SNX29: variants seen among roughly 807,000 people sequenced by gnomAD.
SNX29 encodes the protein sorting nexin 29, also known as sorting nexin-29.
In SNX29, 78 loss-of-function variants were observed where a neutral mutation model predicts 102.1. That is an observed-to-expected ratio of 0.76 (90% CI 0.64 to 0.92). SNX29 has a LOEUF of 0.92. Ranked by LOEUF, SNX29 falls within the 40% of genes least tolerant of loss-of-function variation. SNX29 has a pLI of 0.00. For missense variants in SNX29, 1,280 were observed against 1,061.7 expected (o/e 1.21, Z -2.86); for synonymous variants, 580 against 414.5 (o/e 1.40, Z -4.85).
intron 17 of SNX29, among the ~76,000 whole-genome samples, chr16:12,401,740 GCTT>G (rs1470382096): frequency 6.6e-6 from 1 of 152,156 alleles, no homozygotes; most frequent in Non-Finnish European, 1.5e-5. Flanking sequence ...AGGGCTGTCT[GCTT>G]CTTTTATTGC....
chr16:12,055,994 G>A (rs541565293), intron 8 of SNX29, among the ~76,000 whole-genome samples: 3 of 152,180 alleles, frequency 2.0e-5, no homozygotes, highest in Admixed American at 1.3e-4. Context: ...CGATTCTCCT[G>A]CCTCAGCCTC....
intron 18 of SNX29, among the ~76,000 whole-genome samples, chr16:12,412,031 G>A (rs1003938059): frequency 2.6e-5 from 4 of 152,196 alleles, no homozygotes; most frequent in Non-Finnish European, 4.4e-5. Flanking sequence ...GAGCAAGACA[G>A]CATTTTCCTA....
At chr16:12,516,518 C>G (rs1322202239) in intron 19 of SNX29, among the ~76,000 whole-genome samples, 1 of 148,140 alleles carries the variant, frequency 6.8e-6, no homozygotes, top group Non-Finnish European at 1.5e-5. Flanking sequence ...GATGGAATCT[C>G]ATAGCCAGGA....
intron 17 of SNX29, among the ~76,000 whole-genome samples, 178 bp from the exon 18 acceptor site, chr16:12,403,266 AGACT>A (rs1182050560): frequency 2.7e-5 from 4 of 150,682 alleles, no homozygotes; most frequent in Non-Finnish European, 4.4e-5. Context: ...AGAGAGAGAC[AGACT>A]GAGTGATGAC....
chr16:12,494,488 C>T (rs554589333), intron 19 of SNX29, among the ~76,000 whole-genome samples: 1 of 152,270 alleles, frequency 6.6e-6, no homozygotes, highest in South Asian at 2.1e-4. Flanking sequence ...AGATTGCATT[C>T]TTTCACTTGC....
At chr16:12,055,087 A>T (rs1291681560) in intron 8 of SNX29, among the ~76,000 whole-genome samples, 1 of 152,162 alleles carries the variant, frequency 6.6e-6, no homozygotes, top group East Asian at 1.9e-4. Flanking sequence ...CTAGAGAAAC[A>T]GAACCAGTGT....
intron 16 of SNX29, among the ~76,000 whole-genome samples, chr16:12,360,271 C>T (rs151193827): frequency 2.2e-4 from 33 of 152,298 alleles, no homozygotes; most frequent in African/African-American, 7.0e-4. Flanking sequence ...GTTGGTGTGC[C>T]TCTTCAGGCT....
chr16:12,526,933 A>G, intron 20 of SNX29: 1 of 391,092 alleles, frequency 2.6e-6, no homozygotes, highest in South Asian at 2.7e-5. Context: ...ACGGAGAGAG[A>G]AACCTTTTGT....
At chr16:12,018,475 C>T (rs566629762) in intron 3 of SNX29, among the ~76,000 whole-genome samples, 13 of 150,308 alleles carry the variant, frequency 8.6e-5, no homozygotes, top group South Asian at 2.1e-4. Context: ...CCCAGCCACT[C>T]GGGAGGCTGA....
chr16:12,263,782 A>G (rs1263049715), intron 14 of SNX29, among the ~76,000 whole-genome samples: 4 of 152,128 alleles, frequency 2.6e-5, no homozygotes, highest in African/African-American at 9.7e-5. Flanking sequence ...ATTTTTTGCT[A>G]AGTTTTTACA....
chr16:12,325,513 A>G (rs1328440520), intron 15 of SNX29, among the ~76,000 whole-genome samples: 1 of 152,210 alleles, frequency 6.6e-6, no homozygotes, highest in African/African-American at 2.4e-5. Context: ...TATAAAAGCA[A>G]GAACTCATTG....
At chr16:12,472,919 ATCT>A (rs1310946497) in intron 18 of SNX29, among the ~76,000 whole-genome samples, 5 of 152,082 alleles carry the variant, frequency 3.3e-5, no homozygotes, top group African/African-American at 9.7e-5. Context: ...CTCCTATTTA[ATCT>A]TCTTTTGCTG....
intron 3 of SNX29, among the ~76,000 whole-genome samples, chr16:12,014,558 C>A (rs2056784283): frequency 6.6e-6 from 1 of 151,738 alleles, no homozygotes; most frequent in South Asian, 2.1e-4. Flanking sequence ...CATAGAGAAA[C>A]CCTGTCTCTA....
chr16:11,980,067 T>G (rs1165700803), intron 1 of SNX29, among the ~76,000 whole-genome samples: 1 of 152,200 alleles, frequency 6.6e-6, no homozygotes, highest in African/African-American at 2.4e-5. Context: ...TTTATTTTTA[T>G]TTTTTGGTAT....
intron 20 of SNX29, among the ~76,000 whole-genome samples, chr16:12,546,123 C>A (rs1195961703): frequency 6.6e-6 from 1 of 152,196 alleles, no homozygotes; most frequent in African/African-American, 2.4e-5. Flanking sequence ...GTATTCTCCC[C>A]ATCCACAAAA....
chr16:12,004,461 G>C (rs548185682), intron 3 of SNX29, among the ~76,000 whole-genome samples: 1 of 152,290 alleles, frequency 6.6e-6, no homozygotes, highest in South Asian at 2.1e-4. Context: ...GTAAAGGTAG[G>C]AGACACATAG....
At chr16:12,472,960 T>C (rs55986742) in intron 18 of SNX29, among the ~76,000 whole-genome samples, 15,125 of 152,116 alleles carry the variant, frequency 0.099, 1,199 homozygotes, top group African/African-American at 0.22. Flanking sequence ...ATAAAGTGGC[T>C]TTTTATTGCT....
chr16:12,422,207 A>G (rs976698384), intron 18 of SNX29, among the ~76,000 whole-genome samples: 4 of 152,186 alleles, frequency 2.6e-5, no homozygotes, highest in African/African-American at 9.6e-5. Context: ...CTGCCACTCA[A>G]TGGCTGTGTG....
intron 19 of SNX29, among the ~76,000 whole-genome samples, chr16:12,508,316 A>G (rs2089465031): frequency 6.6e-6 from 1 of 152,214 alleles, no homozygotes; most frequent in African/African-American, 2.4e-5. Flanking sequence ...TTCTGTAGAT[A>G]GGTGCTTGGC....
Sources: gnomAD v4.1 joint callset for allele counts (sites outside exome capture counted in the v4.1 genomes callset) on GRCh38, gnomAD v4.1.1 for gene constraint, MANE v1.5 for transcripts, NCBI Gene and HGNC (gene_info 2026-07-23, HGNC 2026-07-21) for gene names.